The following FSTL4 variants were observed in gnomAD, a reference collection of about 807,000 sequenced individuals.
The protein encoded by FSTL4 is follistatin-related protein 4.
Under a neutral mutation model 78.2 loss-of-function variants are expected in FSTL4, and 28 were observed. That is an observed-to-expected ratio of 0.36 (90% CI 0.27 to 0.49). FSTL4 has a LOEUF of 0.49. FSTL4 is among the 20% of genes least tolerant of loss of function. The probability of loss-of-function intolerance (pLI) is 0.98; values close to 1 mark genes in which losing one functional copy is unlikely to be tolerated. For synonymous variants in FSTL4, 422 were observed against 440.5 expected (o/e 0.96, Z 0.53); for missense variants, 922 against 1,084.9 (o/e 0.85, Z 2.11).
rs1345157521 is a variant in FSTL4 at position 133,249,442 on chromosome 5, T to C, written c.862A>G (p.Thr288Ala). 6.2e-7 allele frequency: 1 copy of C among 1,614,022 alleles called. No individual in the cohort carries two copies. Among genetic ancestry groups the C allele is most frequent in the East Asian group, 2.2e-5 (1 of 44,868 alleles). The change falls in exon 7 of 16, where the codon ACC (threonine) becomes GCC (alanine). Residue 288 changes from threonine to alanine, a missense_variant. Thr to Ala is a moderately conservative substitution (Grantham distance 58). Coordinates refer to ENST00000265342, the MANE Select transcript of FSTL4 (RefSeq NM_015082.2). ...TCTTCCAAGTCCAGGAAGTTCAGGG[T>C]GAGCCCGTTGCGCTTCCAGATGATT... Reference protein sequence around the residue: ...PPIIWKRNGLTLNFLDLEDIN... With the variant: ...PPIIWKRNGLALNFLDLEDIN...
At chr5:133,231,647 A>G (rs976224676) in intron 8 of FSTL4, among the ~76,000 whole-genome samples, 1 of 152,134 alleles carries the variant, frequency 6.6e-6, no homozygotes, top group African/African-American at 2.4e-5. Context: ...GGTTCAAGCA[A>G]TTCTCATGCC....
chr5:133,217,458 C>T (rs1234435540), intron 12 of FSTL4, 80 bp from the exon 13 acceptor site: 3 of 1,310,548 alleles, frequency 2.3e-6, no homozygotes, highest in Non-Finnish European at 3.2e-6. Flanking sequence ...TCCCCTGACC[C>T]TCCTCTGTGC....
chr5:133,343,904 T>C (rs1754641999), intron 4 of FSTL4, among the ~76,000 whole-genome samples: 1 of 152,204 alleles, frequency 6.6e-6, no homozygotes. Flanking sequence ...TCAAATACGA[T>C]TATTGATCAA....
the FSTL4 span, among the ~76,000 whole-genome samples, chr5:133,679,839 T>C: frequency 6.6e-6 from 1 of 152,222 alleles, no homozygotes; most frequent in Admixed American, 6.5e-5. Context: ...TCCTGGACTA[T>C]GGCAATAGCC....
At chr5:133,357,031 G>GAGA (rs1332690187) in intron 4 of FSTL4, among the ~76,000 whole-genome samples, 3 of 152,224 alleles carry the variant, frequency 2.0e-5, no homozygotes, top group African/African-American at 7.2e-5. Flanking sequence ...TCTGGAGTCT[G>GAGA]AGAAGTCCAT....
At chr5:133,331,299 T>A (rs1224606670) in intron 4 of FSTL4, among the ~76,000 whole-genome samples, 1 of 152,092 alleles carries the variant, frequency 6.6e-6, no homozygotes, top group African/African-American at 2.4e-5. Flanking sequence ...TGGCAGCTCA[T>A]GGTGTTTTTC....
At chr5:133,558,854 G>A (rs1759854359) in intron 3 of FSTL4, among the ~76,000 whole-genome samples, 1 of 152,178 alleles carries the variant, frequency 6.6e-6, no homozygotes, top group Admixed American at 6.5e-5. Flanking sequence ...CCACAGGAGA[G>A]AAATGGGCCA....
chr5:133,493,308 G>C (rs765683011), intron 3 of FSTL4, among the ~76,000 whole-genome samples: 1 of 152,166 alleles, frequency 6.6e-6, no homozygotes, highest in Non-Finnish European at 1.5e-5. Context: ...TTCTGGTGTG[G>C]AGATTGTCCT....
chr5:133,807,974 G>T, the FSTL4 span, among the ~76,000 whole-genome samples: 1 of 152,044 alleles, frequency 6.6e-6, no homozygotes, highest in Non-Finnish European at 1.5e-5. Flanking sequence ...CTGCTGCCTT[G>T]GATTTTTTCT....
the FSTL4 span, among the ~76,000 whole-genome samples, chr5:133,641,223 T>C: frequency 6.6e-6 from 1 of 151,116 alleles, no homozygotes; most frequent in Non-Finnish European, 1.5e-5. Flanking sequence ...CCCACACTGA[T>C]AGCCTAAAAA....
chr5:133,582,393 G>A (rs539295299), intron 2 of FSTL4, among the ~76,000 whole-genome samples: 1 of 152,296 alleles, frequency 6.6e-6, no homozygotes, highest in South Asian at 2.1e-4. Context: ...TGCAGTGAGA[G>A]CTGAGAGAGG....
At chr5:133,518,817 C>T (rs1429365604) in intron 3 of FSTL4, among the ~76,000 whole-genome samples, 1 of 152,106 alleles carries the variant, frequency 6.6e-6, no homozygotes, top group African/African-American at 2.4e-5. Flanking sequence ...TGCTATATTT[C>T]CAAATTGGCT....
intron 13 of FSTL4, among the ~76,000 whole-genome samples, chr5:133,212,732 A>G (rs185736457): frequency 6.6e-6 from 1 of 152,290 alleles, no homozygotes; most frequent in Admixed American, 6.5e-5. Flanking sequence ...TTTTTTTTCA[A>G]TCTTTTGAAA....
At chr5:133,537,485 A>G (rs1759371952) in intron 3 of FSTL4, among the ~76,000 whole-genome samples, 1 of 152,138 alleles carries the variant, frequency 6.6e-6, no homozygotes, top group African/African-American at 2.4e-5. Flanking sequence ...TTATCCTAGT[A>G]ATGTATTCAC....
chr5:133,795,687 C>T, the FSTL4 span, among the ~76,000 whole-genome samples: 1 of 152,230 alleles, frequency 6.6e-6, no homozygotes, highest in Non-Finnish European at 1.5e-5. Context: ...GACTCTACCG[C>T]CATAAGGCCT....
chr5:133,334,795 A>G (rs1272726370), intron 4 of FSTL4, among the ~76,000 whole-genome samples: 2 of 152,140 alleles, frequency 1.3e-5, no homozygotes, highest in East Asian at 3.9e-4. Flanking sequence ...GCGGCAGCTC[A>G]TCTGGTCCCT....
chr5:133,408,277 A>G (rs1418405309), intron 3 of FSTL4, among the ~76,000 whole-genome samples: 3 of 151,980 alleles, frequency 2.0e-5, no homozygotes, highest in Non-Finnish European at 4.4e-5. Flanking sequence ...TTTTCTCAAT[A>G]CCACCCAAAT....
chr5:133,792,502 G>A, the FSTL4 span, among the ~76,000 whole-genome samples: 9 of 152,292 alleles, frequency 5.9e-5, no homozygotes, highest in East Asian at 1.7e-3. Context: ...CCCAGAGTTC[G>A]TGTGTCCCCA....
At chr5:133,772,443 C>G in the FSTL4 span, among the ~76,000 whole-genome samples, 1 of 152,170 alleles carries the variant, frequency 6.6e-6, no homozygotes, top group Non-Finnish European at 1.5e-5. Context: ...AGTTAAATTT[C>G]AATCTGCATT....
Sources: gnomAD v4.1 joint callset for allele counts (sites outside exome capture counted in the v4.1 genomes callset) on GRCh38, gnomAD v4.1.1 for gene constraint, MANE v1.5 for transcripts, NCBI Gene and HGNC (gene_info 2026-07-23, HGNC 2026-07-21) for gene names.